Variants in EVI5 observed in about 807,000 individuals in gnomAD.
The protein encoded by EVI5 is ecotropic viral integration site 5 protein homolog.
In EVI5, 73 loss-of-function variants were observed where a neutral mutation model predicts 112.0. The ratio of observed to expected loss-of-function variants is 0.65; its 90% CI spans 0.54 to 0.79. The LOEUF (loss-of-function observed/expected upper bound fraction) is 0.79, where lower values mean the gene tolerates loss of function less well. Ranked by LOEUF, EVI5 falls within the 30% of genes least tolerant of loss-of-function variation. EVI5 has a pLI of 0.00. For missense variants in EVI5, 900 were observed against 968.8 expected, an observed-to-expected ratio of 0.93 and a Z score of 0.94; for synonymous variants, 305 against 319.9, an observed-to-expected ratio of 0.95 and a Z score of 0.50.
chr1:92,781,616 C>T (rs1684871290), intron 1 of EVI5, among the ~76,000 whole-genome samples: 1 of 151,824 alleles, frequency 6.6e-6, no homozygotes, highest in African/African-American at 2.4e-5. Flanking sequence ...AAAGCAGTAA[C>T]CATAAAGGAC....
chr1:92,551,421 G>T (rs1448766013), intron 19 of EVI5, among the ~76,000 whole-genome samples: 1 of 152,106 alleles, frequency 6.6e-6, no homozygotes, highest in Non-Finnish European at 1.5e-5. Flanking sequence ...GGAGTTAGAT[G>T]AAGAGTAGGA....
chr1:92,694,370 G>A lies in EVI5; in HGVS notation c.928C>T (p.Arg310Cys), dbSNP rs117711462. The part of the protein sequence containing the change: ...FMSEGLEIVF[R>C]VGLALLQMNQ... ...ATCTGAAGAAGTGCTAATCCTACACGAAACACTATTTCTAAACCCTGAGGA... is the reference window on the plus strand; with the variant it reads ...ATCTGAAGAAGTGCTAATCCTACACAAAACACTATTTCTAAACCCTGAGGA... Residue 310 changes from arginine to cysteine, a missense_variant, in exon 8 of 20, where the codon CGT becomes TGT. Arg to Cys is a radical substitution (Grantham distance 180). Transcript: ENST00000684568. 489 of 1,596,942 alleles carry A rather than the reference G, an allele frequency of 3.1e-4. 1 individual carries two copies. In the East Asian group the frequency reaches 4.1e-3, roughly 13 times the overall value.
At chr1:92,731,066 G>T (rs541016819) in intron 2 of EVI5, among the ~76,000 whole-genome samples, 1 of 152,302 alleles carries the variant, frequency 6.6e-6, no homozygotes, top group East Asian at 1.9e-4. Flanking sequence ...GCTCAGGCCT[G>T]TAATCCCAGC....
chr1:92,638,915 A>G (rs1484627992), intron 13 of EVI5, among the ~76,000 whole-genome samples: 1 of 152,162 alleles, frequency 6.6e-6, no homozygotes, highest in African/African-American at 2.4e-5. Flanking sequence ...AAAAAAATCT[A>G]AGCATATAGA....
chr1:92,529,831 T>A (rs1156616864), intron 19 of EVI5, among the ~76,000 whole-genome samples: 2 of 152,316 alleles, frequency 1.3e-5, no homozygotes, highest in Middle Eastern at 3.4e-3. Context: ...TTTAAAATAA[T>A]GTTTATAGTA....
intron 1 of EVI5, among the ~76,000 whole-genome samples, chr1:92,759,198 G>A (rs912197703): frequency 2.0e-5 from 3 of 152,158 alleles, no homozygotes; most frequent in Non-Finnish European, 1.5e-5. Context: ...ACTCCAGCCT[G>A]AGCAACAGTG....
intron 19 of EVI5, among the ~76,000 whole-genome samples, chr1:92,548,626 C>A (rs1372353301): frequency 1.3e-5 from 2 of 152,164 alleles, no homozygotes; most frequent in African/African-American, 4.8e-5. Flanking sequence ...TCTCCTTAAG[C>A]TGATAAGCAA....
intron 14 of EVI5, among the ~76,000 whole-genome samples, chr1:92,635,813 T>G (rs1028541264): frequency 6.6e-6 from 1 of 152,200 alleles, no homozygotes; most frequent in Admixed American, 6.5e-5. Context: ...GATGAAATTT[T>G]CCCGAAATGT....
intron 18 of EVI5, among the ~76,000 whole-genome samples, chr1:92,577,346 G>A (rs1407789705): frequency 6.6e-6 from 1 of 152,168 alleles, no homozygotes; most frequent in Non-Finnish European, 1.5e-5. Context: ...ATAAATTTAA[G>A]GGATTAGCTC....
chr1:92,573,288 T>C (rs1458952252), intron 18 of EVI5, among the ~76,000 whole-genome samples: 1 of 151,968 alleles, frequency 6.6e-6, no homozygotes, highest in African/African-American at 2.4e-5. Flanking sequence ...ACACAAAGAG[T>C]GATTCTGACA....
chr1:92,606,385 A>T (rs1045266399), intron 17 of EVI5, among the ~76,000 whole-genome samples: 2 of 152,226 alleles, frequency 1.3e-5, no homozygotes, highest in African/African-American at 4.8e-5. Context: ...TAAATAAAAG[A>T]TTAAATTTAG....
intron 18 of EVI5, among the ~76,000 whole-genome samples, chr1:92,603,086 C>G (rs1649534151): frequency 6.6e-6 from 1 of 152,160 alleles, no homozygotes; most frequent in Admixed American, 6.5e-5. Context: ...GAAATAAGCA[C>G]ATGAAAGTAT....
At chr1:92,514,881 A>C (rs761310369) in intron 19 of EVI5, among the ~76,000 whole-genome samples, 8 of 152,232 alleles carry the variant, frequency 5.3e-5, no homozygotes, top group Non-Finnish European at 5.9e-5. Context: ...TAAATCATTA[A>C]AACTTTGCTA....
Position 92,663,448 on chromosome 1 carries a change from CT to C in EVI5, c.1216del (p.Ser406ValfsTer8). ...KQRIETLEKE[S>X]ASLADRLIQG... is the part of the protein sequence containing the mutation. ...TATCAATCTATCTGCCAAGGAAGCA[CT>C]TTCCTACAAAAGGAAAAATTCAGAT... is the stretch of plus-strand genomic sequence containing the variant. On this transcript the variant is annotated frameshift_variant, in exon 12 of 20. Transcript: ENST00000684568. LOFTEE classifies it high-confidence loss of function. The C allele has an allele frequency of 1.4e-6, 2 of 1,419,228 alleles. No individual in the cohort carries two copies. Among genetic ancestry groups the C allele is most frequent in the Non-Finnish European group, 1.9e-6 (2 of 1,063,636 alleles). The allele number at this position is 1,419,228 out of a possible 1,614,324, so 87.9% of individuals were successfully genotyped here. A position where few individuals can be genotyped will look rare whatever the true frequency, so the allele number is the denominator to read the frequency against.
intron 1 of EVI5, among the ~76,000 whole-genome samples, chr1:92,777,042 T>C (rs952888335): frequency 3.3e-5 from 5 of 152,118 alleles, no homozygotes; most frequent in African/African-American, 1.2e-4. Context: ...GACCTCGTGA[T>C]CCACCCGCCT....
intron 1 of EVI5, among the ~76,000 whole-genome samples, chr1:92,766,616 T>C (rs1682675807): frequency 6.6e-6 from 1 of 152,244 alleles, no homozygotes; most frequent in African/African-American, 2.4e-5. Context: ...AAATAGTGTC[T>C]AGATCATAGC....
At chr1:92,576,676 T>C (rs1372623794) in intron 18 of EVI5, among the ~76,000 whole-genome samples, 1 of 152,170 alleles carries the variant, frequency 6.6e-6, no homozygotes, top group Non-Finnish European at 1.5e-5. Flanking sequence ...CATACAAATT[T>C]ACCTGTAGTT....
At chr1:92,664,485 T>TAACAAAAA (rs1553232364) in intron 11 of EVI5, among the ~76,000 whole-genome samples, 1 of 143,964 alleles carries the variant, frequency 6.9e-6, no homozygotes, top group Admixed American at 6.9e-5. Context: ...TCCAAAGATT[T>TAACAAAAA]AAAAAAAAAA....
rs1192858289 is a variant in EVI5, at chr1:92,765,772, T to C, written c.-82+19064A>G. On this transcript the variant is annotated intron_variant, in intron 1 of 19. Coordinates refer to ENST00000684568, the MANE Select transcript of EVI5 (RefSeq NM_001350197.2). ...TTACTGACTTCCCCACAAATTCTTT[T>C]GTATTAAAACTGGGGGGAAAGGGCG... is the stretch of plus-strand genomic sequence containing the variant. Among the ~76,000 whole-genome samples, 3 of 152,154 alleles carry C rather than the reference T, an allele frequency of 2.0e-5. No individual in the cohort carries two copies. In the East Asian group the frequency reaches 5.8e-4, roughly 29 times the overall value.
Sources: gnomAD v4.1 joint callset for allele counts (sites outside exome capture counted in the v4.1 genomes callset) on GRCh38, gnomAD v4.1.1 for gene constraint, MANE v1.5 for transcripts, NCBI Gene and HGNC (gene_info 2026-07-23, HGNC 2026-07-21) for gene names.